Variants in LEAP2 observed in about 807,000 individuals in gnomAD.
LEAP2 encodes liver enriched antimicrobial peptide 2, also known as liver-expressed antimicrobial peptide 2.
A neutral mutation model predicts 9.3 loss-of-function variants in LEAP2; 13 were observed. That is an observed-to-expected ratio of 1.39 (90% CI 0.91 to 2.21). The LOEUF (loss-of-function observed/expected upper bound fraction) is 2.21, where lower values mean the gene tolerates loss of function less well. LEAP2 is among the 30% of genes most tolerant of loss of function. The pLI, the probability that LEAP2 is intolerant of heterozygous loss-of-function variation, is 0.00. For synonymous variants in LEAP2, 34 were observed against 34.9 expected, an observed-to-expected ratio of 0.98 and a Z score of 0.09; for missense variants, 98 against 94.0, an observed-to-expected ratio of 1.04 and a Z score of -0.17.
chr5:132,874,300 A>C, intron 2 of LEAP2, 110 bp from the exon 3 acceptor site: 3 of 1,081,754 alleles, frequency 2.8e-6, no homozygotes, highest in Non-Finnish European at 4.2e-6. Context: ...TCCATTCTTC[A>C]GTCTTTCCTG....
At position 132,874,775 on chromosome 5, in the gene LEAP2, C is replaced by T. The variant is rs1759795672; in HGVS notation, c.*329C>T. On this transcript the variant is annotated 3_prime_UTR_variant, in exon 3 of 3. Coordinates refer to ENST00000296877, the MANE Select transcript of LEAP2 (RefSeq NM_052971.3). ...ATACTAAAGAAAAAAACAGCATTGC[C>T]CAATAATGTGTTAACTTCTCAATCT... The T allele has an allele frequency of 2.3e-5, 10 of 433,638 alleles. No individual in the cohort carries two copies. Among genetic ancestry groups the T allele is most frequent in the South Asian group, 2.1e-4 (10 of 46,704 alleles). 26.9% of individuals were successfully genotyped at this position (433,638 alleles called of 1,614,324 possible). A position where few individuals can be genotyped will look rare whatever the true frequency, so the allele number is the denominator to read the frequency against.
At position 132,873,940 on chromosome 5, in the gene LEAP2, G is replaced by C. The variant is rs751559184; in HGVS notation, c.58-10G>C. ...AACACTTTCATATCTGAATGTCTTTGCCCTTACAGATAGATGGCTCCCCAA... is the reference window on the plus strand; with the variant it reads ...AACACTTTCATATCTGAATGTCTTTCCCCTTACAGATAGATGGCTCCCCAA... On this transcript the variant is annotated splice_polypyrimidine_tract_variant and intron_variant, in intron 1 of 2. Coordinates refer to ENST00000296877, the MANE Select transcript of LEAP2 (RefSeq NM_052971.3). 7 of 1,613,748 alleles carry C rather than the reference G, an allele frequency of 4.3e-6. No homozygotes were observed. In the South Asian group the frequency reaches 5.5e-5, roughly 13 times the overall value.
intron 1 of LEAP2, 61 bp from the exon 2 acceptor site, chr5:132,873,889 T>C: frequency 6.2e-7 from 1 of 1,603,456 alleles, no homozygotes; most frequent in Non-Finnish European, 8.5e-7. Context: ...GAATGATCAC[T>C]CTTCCAAGGT....
Position 132,874,636 on chromosome 5 carries a change from A to T in LEAP2, c.*190A>T. 1 of 676,256 alleles carries T rather than the reference A, an allele frequency of 1.5e-6. No individual in the cohort carries two copies. The highest frequency in any genetic ancestry group is 1.6e-5 in the South Asian group (1 of 62,748). The allele number at this position is 676,256 out of a possible 1,614,324, so 41.9% of individuals were successfully genotyped here. On this transcript the variant is annotated 3_prime_UTR_variant, in exon 3 of 3. Transcript: ENST00000296877. ...AGAATGTTGATATATGGATAAGCATAACTAAACTTGTCAATTTAGAGTTTA... is the reference window on the plus strand; with the variant it reads ...AGAATGTTGATATATGGATAAGCATTACTAAACTTGTCAATTTAGAGTTTA...
chr5:132,874,510 T>C lies in LEAP2; in HGVS notation c.*64T>C, dbSNP rs772149297. 6.3e-6 allele frequency: 9 copies of C among 1,438,370 alleles called. No homozygotes were observed. The highest frequency in any genetic ancestry group is 8.8e-6 in the Non-Finnish European group (9 of 1,020,500). 89.1% of individuals were successfully genotyped at this position (1,438,370 alleles called of 1,614,324 possible). On this transcript the variant is annotated 3_prime_UTR_variant, in exon 3 of 3. Transcript: ENST00000296877. Reference sequence around the variant, plus strand: ...GACAATGCTCCGTTCTATGGAATATTGATTAACTGCATTTTGGCTGGAGAC... The same window carrying C: ...GACAATGCTCCGTTCTATGGAATATCGATTAACTGCATTTTGGCTGGAGAC...
chr5:132,874,197 T>A, intron 2 of LEAP2, 108 bp downstream of exon 2: 1 of 1,260,644 alleles, frequency 7.9e-7, no homozygotes, highest in Admixed American at 2.1e-5. Context: ...GATGGAGGAG[T>A]TCTAGACTGA....
In LEAP2 at chr5:132,874,584, G is replaced by A. The variant is rs75906358; in HGVS notation, c.*138G>A. The A allele has an allele frequency of 1.5e-3, 1,132 of 766,170 alleles. 10 individuals are homozygous for A. The African/African-American group carries it at 0.017, about 12-fold the overall frequency. 47.5% of individuals were successfully genotyped at this position (766,170 alleles called of 1,614,324 possible). On this transcript the variant is annotated 3_prime_UTR_variant, in exon 3 of 3. Transcript: ENST00000296877. ...TTTTAATATTTAAAGGCAGATGTACGCTTTAAATTGGTCTCCATTTCTTCT... is the reference window on the plus strand; with the variant it reads ...TTTTAATATTTAAAGGCAGATGTACACTTTAAATTGGTCTCCATTTCTTCT...
chr5:132,873,902 G>A (rs772637157), intron 1 of LEAP2, 48 bp from the exon 2 acceptor site: 19 of 1,610,052 alleles, frequency 1.2e-5, no homozygotes, highest in African/African-American at 1.3e-5. Context: ...TCCAAGGTGT[G>A]CAGCAGGGTG....
In LEAP2 at chr5:132,874,453, T is replaced by C. The variant is rs1561472463; in HGVS notation, c.*7T>C. ...AAGTGTGGCCCAGGAATGATGTACATACCAGGGAAAGAAAGGACAGCAGTC... is the reference window on the plus strand; with the variant it reads ...AAGTGTGGCCCAGGAATGATGTACACACCAGGGAAAGAAAGGACAGCAGTC... On this transcript the variant is annotated 3_prime_UTR_variant, in exon 3 of 3. Transcript: ENST00000296877. 6.2e-7 allele frequency: 1 copy of C among 1,612,394 alleles called. No homozygotes were observed. Among genetic ancestry groups the C allele is most frequent in the Non-Finnish European group, 8.5e-7 (1 of 1,178,448 alleles).
At position 132,874,355 on chromosome 5, in the gene LEAP2, G is replaced by T. The variant is rs538629561; in HGVS notation, c.198-55G>T. The T allele has an allele frequency of 7.5e-5, 107 of 1,420,890 alleles. 1 individual carries two copies. The highest frequency in any genetic ancestry group is 4.8e-4 in the South Asian group (42 of 87,076). The allele number at this position is 1,420,890 out of a possible 1,614,324, so 88.0% of individuals were successfully genotyped here. A position where few individuals can be genotyped will look rare whatever the true frequency, so the allele number is the denominator to read the frequency against. ...AAGAGGAAGGAAATGCAGCATAGGT[G>T]GCCCTGGTCATTCCTAGACCCAGTC... is the stretch of plus-strand genomic sequence containing the variant. On this transcript the variant is annotated intron_variant, in intron 2 of 2. Coordinates refer to ENST00000296877, the MANE Select transcript of LEAP2 (RefSeq NM_052971.3).
chr5:132,874,907 C>CA lies in LEAP2; in HGVS notation c.*464dup, dbSNP rs1029909277. The CA allele has an allele frequency of 4.2e-6, 1 of 239,810 alleles. No homozygotes were observed. Among genetic ancestry groups the CA allele is most frequent in the African/African-American group, 2.3e-5 (1 of 42,676 alleles). 14.9% of individuals were successfully genotyped at this position (239,810 alleles called of 1,614,324 possible). On this transcript the variant is annotated 3_prime_UTR_variant, in exon 3 of 3. Transcript: ENST00000296877. ...CACTCCATACTCTTCAGGGAGGTGT[C>CA]AAAGGTGGTCAAGCTTGGGAGGCTG...
In LEAP2 at chr5:132,873,949, G is replaced by C; in HGVS notation, c.58-1G>C. The C allele has an allele frequency of 2.5e-6, 4 of 1,614,074 alleles. No individual in the cohort carries two copies. Among genetic ancestry groups the C allele is most frequent in the Non-Finnish European group, 3.4e-6 (4 of 1,179,934 alleles). ...ATATCTGAATGTCTTTGCCCTTACA[G>C]ATAGATGGCTCCCCAATACCAGAAG... is the stretch of plus-strand genomic sequence containing the variant. On this transcript the variant is annotated splice_acceptor_variant, in intron 1 of 2. Transcript: ENST00000296877. LOFTEE classifies it high-confidence loss of function.
At position 132,873,965 on chromosome 5, in the gene LEAP2, A is replaced by G. The variant is rs768107733; in HGVS notation, c.73A>G (p.Ile25Val). 6.2e-6 allele frequency: 10 copies of G among 1,614,154 alleles called. No homozygotes were observed. The highest frequency in any genetic ancestry group is 3.3e-5 in the South Asian group (3 of 91,084). ...GCCCTTACAGATAGATGGCTCCCCA[A>G]TACCAGAAGTGAGTTCGGCAAAGAG... ...LLLGQIDGSP[I>V]PEVSSAKRRP... Residue 25 changes from isoleucine (I) to valine (V), a missense_variant, in exon 2 of 3, where the codon ATA becomes GTA. Ile to Val is a conservative substitution (Grantham distance 29). Transcript: ENST00000296877.
chr5:132,873,768 A>C lies in LEAP2; in HGVS notation c.57+17A>C, dbSNP rs1178185800. 5.6e-6 allele frequency: 9 copies of C among 1,610,104 alleles called. No individual in the cohort carries two copies. The highest frequency in any genetic ancestry group is 7.6e-6 in the Non-Finnish European group (9 of 1,176,574). On this transcript the variant is annotated intron_variant, in intron 1 of 2. Coordinates refer to ENST00000296877, the MANE Select transcript of LEAP2 (RefSeq NM_052971.3). ...TTGGGCCAGGTAAGGAGGGAAGGAT[A>C]CTTATGTGTGTGTGTGGAGTGTGGA...
At position 132,874,610 on chromosome 5, in the gene LEAP2, T is replaced by G; in HGVS notation, c.*164T>G. On this transcript the variant is annotated 3_prime_UTR_variant, in exon 3 of 3. Coordinates refer to ENST00000296877, the MANE Select transcript of LEAP2 (RefSeq NM_052971.3). ...CTTTAAATTGGTCTCCATTTCTTCT[T>G]AGAATGTTGATATATGGATAAGCAT... is the stretch of plus-strand genomic sequence containing the variant. 1.4e-6 allele frequency: 1 copy of G among 718,176 alleles called. No individual in the cohort carries two copies. The highest frequency in any genetic ancestry group is 2.5e-6 in the Non-Finnish European group (1 of 395,850). The allele number at this position is 718,176 out of a possible 1,614,324, so 44.5% of individuals were successfully genotyped here.
rs1431778547 is a variant in LEAP2, at chr5:132,874,491, G to C, written c.*45G>C. 3 of 1,533,394 alleles carry C rather than the reference G, an allele frequency of 2.0e-6. No individual in the cohort carries two copies. Among genetic ancestry groups the C allele is most frequent in the African/African-American group, 1.4e-5 (1 of 73,384 alleles). 95.0% of individuals were successfully genotyped at this position (1,533,394 alleles called of 1,614,324 possible). A position where few individuals can be genotyped will look rare whatever the true frequency, so the allele number is the denominator to read the frequency against. On this transcript the variant is annotated 3_prime_UTR_variant, in exon 3 of 3. Coordinates refer to ENST00000296877, the MANE Select transcript of LEAP2 (RefSeq NM_052971.3). ...AAGGACAGCAGTCACCTCCGACAAT[G>C]CTCCGTTCTATGGAATATTGATTAA...
chr5:132,874,382 TA>T, intron 2 of LEAP2, 27 bp from the exon 3 acceptor site: 1 of 1,608,566 alleles, frequency 6.2e-7, no homozygotes, highest in Non-Finnish European at 8.5e-7. Context: ...GACCCAGTCT[TA>T]AAAAACTACC....
chr5:132,874,013 T>G lies in LEAP2; in HGVS notation c.121T>G (p.Phe41Val). Residue 41 changes from phenylalanine to valine, a missense_variant, in exon 2 of 3, where the codon TTT (phenylalanine) becomes GTT (valine). By Grantham distance (50) the Phe-to-Val change is conservative (BLOSUM62 -1). Transcript: ENST00000296877. ...GAGAAGGCCACGGAGAATGACCCCA[T>G]TTTGGAGAGGGGTTTCCCTCAGGCC... ...AKRRPRRMTP[F>V]WRGVSLRPIG... 2 of 1,613,876 alleles carry G rather than the reference T, an allele frequency of 1.2e-6. No homozygotes were observed. Among genetic ancestry groups the G allele is most frequent in the Non-Finnish European group, 8.5e-7 (1 of 1,179,840 alleles).
chr5:132,874,184 T>A (rs1421064612), intron 2 of LEAP2, 95 bp downstream of exon 2: 7 of 1,371,748 alleles, frequency 5.1e-6, no homozygotes, highest in Non-Finnish European at 7.0e-6. Context: ...AGAATAAAGC[T>A]GGGATGGAGG....
Sources: gnomAD v4.1 joint callset for allele counts on GRCh38, gnomAD v4.1.1 for gene constraint, MANE v1.5 for transcripts, NCBI Gene and HGNC (gene_info 2026-07-23, HGNC 2026-07-21) for gene names.